The following SLC25A33 variants were observed in gnomAD, a reference collection of about 807,000 sequenced individuals.
SLC25A33 encodes the protein solute carrier family 25 member 33.
In SLC25A33, 15 loss-of-function variants were observed where a neutral mutation model predicts 35.5. The observed-to-expected ratio is 0.42, with a 90% CI of 0.28 to 0.65. The LOEUF (loss-of-function observed/expected upper bound fraction) is 0.65, where lower values mean the gene tolerates loss of function less well. Among genes scored for constraint, SLC25A33 ranks in the 30% least tolerant of loss-of-function variants. SLC25A33 has a pLI of 0.20. For synonymous variants in SLC25A33, 136 were observed against 148.7 expected, an observed-to-expected ratio of 0.91 and a Z score of 0.62; for missense variants, 257 against 398.5, an observed-to-expected ratio of 0.64 and a Z score of 3.02.
At chr1:9,565,085 A>G (rs1401604130) in intron 2 of SLC25A33, among the ~76,000 whole-genome samples, 1 of 152,168 alleles carries the variant, frequency 6.6e-6, no homozygotes, top group East Asian at 1.9e-4. Flanking sequence ...GGTGACTGCC[A>G]GGGCCTGACG....
At chr1:9,553,476 A>G (rs57246113) in intron 1 of SLC25A33, 150 bp from the exon 2 acceptor site, 14,654 of 685,172 alleles carry the variant, frequency 0.021, 1,063 homozygotes, top group African/African-American at 0.18. Context: ...CTCGTGATCC[A>G]CCCACCTCAG....
chr1:9,576,721 G>C, intron 5 of SLC25A33: 1 of 772,750 alleles, frequency 1.3e-6, no homozygotes, highest in East Asian at 3.4e-5. Flanking sequence ...CACCGACATT[G>C]TTATCCAGGA....
intron 1 of SLC25A33, among the ~76,000 whole-genome samples, chr1:9,545,872 A>G (rs181952469): frequency 4.4e-4 from 67 of 151,782 alleles, no homozygotes; most frequent in Non-Finnish European, 6.6e-4. Flanking sequence ...CTGAGGCATG[A>G]GAATCACTTG....
intron 1 of SLC25A33, among the ~76,000 whole-genome samples, chr1:9,540,309 C>T (rs72646715): frequency 0.24 from 36,087 of 152,014 alleles, 5,168 homozygotes; most frequent in African/African-American, 0.41. Context: ...AGCCAGGGAC[C>T]CGAACTCATA....
chr1:9,542,044 C>G (rs1234905161), intron 1 of SLC25A33, among the ~76,000 whole-genome samples: 1 of 152,178 alleles, frequency 6.6e-6, no homozygotes, highest in African/African-American at 2.4e-5. Flanking sequence ...CCTCTGCCCA[C>G]CTCGGCCTCC....
Position 9,580,129 on chromosome 1 carries a change from G to C in SLC25A33, c.658G>C (p.Ala220Pro). 1.2e-6 allele frequency: 2 copies of C among 1,611,892 alleles called. No homozygotes were observed. The highest frequency in any genetic ancestry group is 1.7e-6 in the Non-Finnish European group (2 of 1,178,614). Residue 220 changes from alanine (A) to proline (P), a missense_variant, in exon 6 of 7, where the codon GCC becomes CCC. By Grantham distance (27) the Ala-to-Pro change is conservative. Coordinates refer to ENST00000302692, the MANE Select transcript of SLC25A33 (RefSeq NM_032315.3). ...GAAGTATCTGAAAGAAGCTCCATTAGCCTCTTCTGCAAATGGGACTGAGAA... is the reference window on the plus strand; with the variant it reads ...GAAGTATCTGAAAGAAGCTCCATTACCCTCTTCTGCAAATGGGACTGAGAA... Reference protein sequence around the residue: ...LKKYLKEAPLASSANGTEKNS... With the variant: ...LKKYLKEAPLPSSANGTEKNS...
At chr1:9,564,742 ATAT>A (rs1557531702) in intron 2 of SLC25A33, among the ~76,000 whole-genome samples, 1,588 of 86,130 alleles carry the variant, frequency 0.018, 46 homozygotes, top group East Asian at 0.087. Flanking sequence ...AAAAAAAAAT[ATAT>A]ATATATATAT....
chr1:9,556,174 A>G (rs1643339381), intron 2 of SLC25A33: 1 of 985,352 alleles, frequency 1.0e-6, no homozygotes, highest in Non-Finnish European at 1.2e-6. Context: ...GCCTTTTCAC[A>G]TGCTTAGGCG....
chr1:9,554,890 G>T (rs1244960362), intron 2 of SLC25A33, among the ~76,000 whole-genome samples: 3 of 152,070 alleles, frequency 2.0e-5, no homozygotes, highest in Non-Finnish European at 4.4e-5. Context: ...TTGAATATCT[G>T]ATTTTTAGCT....
intron 2 of SLC25A33, among the ~76,000 whole-genome samples, chr1:9,559,506 T>TA (rs1643390295): frequency 6.6e-6 from 1 of 151,954 alleles, no homozygotes. Context: ...TGTTTTTTTT[T>TA]AACCTTAAAG....
intron 2 of SLC25A33, among the ~76,000 whole-genome samples, chr1:9,554,098 T>G (rs1414672780): frequency 6.6e-6 from 1 of 152,164 alleles, no homozygotes. Flanking sequence ...CTCAAAGCTT[T>G]TGAGGGAAAT....
intron 3 of SLC25A33, among the ~76,000 whole-genome samples, chr1:9,568,845 CA>C (rs546339308): frequency 7.1e-4 from 89 of 125,040 alleles, no homozygotes; most frequent in African/African-American, 1.3e-3. Flanking sequence ...GACTCTGTCT[CA>C]AAAAAAAAAA....
chr1:9,556,752 G>A (rs1172937124), intron 2 of SLC25A33, among the ~76,000 whole-genome samples: 1 of 151,170 alleles, frequency 6.6e-6, no homozygotes, highest in Admixed American at 6.6e-5. Context: ...CCTCAATTAG[G>A]GCAATTGTTT....
chr1:9,557,902 C>CA (rs1394067872), intron 2 of SLC25A33, among the ~76,000 whole-genome samples: 3 of 151,264 alleles, frequency 2.0e-5, no homozygotes, highest in South Asian at 4.2e-4. Context: ...GACCCTGTGT[C>CA]AAAAAAAAGA....
At chr1:9,555,279 A>G (rs748933831) in intron 2 of SLC25A33, among the ~76,000 whole-genome samples, 2 of 151,696 alleles carry the variant, frequency 1.3e-5, no homozygotes, top group Non-Finnish European at 2.9e-5. Context: ...CATCACACCC[A>G]GCTAATTTTT....
chr1:9,554,214 C>T (rs1054116828), intron 2 of SLC25A33, among the ~76,000 whole-genome samples: 10 of 152,192 alleles, frequency 6.6e-5, no homozygotes, highest in Admixed American at 5.9e-4. Context: ...AGAAGAATCT[C>T]GCTCTGTCAC....
At chr1:9,563,415 T>A (rs755861068) in intron 2 of SLC25A33, among the ~76,000 whole-genome samples, 2 of 152,138 alleles carry the variant, frequency 1.3e-5, no homozygotes, top group African/African-American at 2.4e-5. Context: ...CTTTATACAT[T>A]CAGAGAATCT....
At chr1:9,574,379 C>T (rs1204392542) in intron 5 of SLC25A33, among the ~76,000 whole-genome samples, 2 of 152,154 alleles carry the variant, frequency 1.3e-5, no homozygotes, top group African/African-American at 4.8e-5. Context: ...GCGTGAACCA[C>T]CACACCAGGC....
chr1:9,573,255 C>T, intron 4 of SLC25A33, 91 bp from the exon 5 acceptor site: 1 of 869,446 alleles, frequency 1.2e-6, no homozygotes, highest in Non-Finnish European at 1.7e-6. Flanking sequence ...CATTGAAATC[C>T]CTATTTCAAA....
Sources: gnomAD v4.1 joint callset for allele counts (sites outside exome capture counted in the v4.1 genomes callset) on GRCh38, gnomAD v4.1.1 for gene constraint, MANE v1.5 for transcripts, NCBI Gene and HGNC (gene_info 2026-07-23, HGNC 2026-07-21) for gene names.